The following MYRIP variants were observed in gnomAD, a reference collection of about 807,000 sequenced individuals.
The protein encoded by MYRIP is rab effector MyRIP.
A neutral mutation model predicts 98.0 loss-of-function variants in MYRIP; 49 were observed. The ratio of observed to expected loss-of-function variants is 0.50; its 90% CI spans 0.40 to 0.63. The LOEUF is 0.63. MYRIP is among the 30% of genes least tolerant of loss of function. The probability of loss-of-function intolerance (pLI) is 0.00; values close to 1 mark genes in which losing one functional copy is unlikely to be tolerated. For synonymous variants in MYRIP, 404 were observed against 409.5 expected (o/e 0.99, Z 0.16); for missense variants, 1,004 against 1,058.2 (o/e 0.95, Z 0.71).
chr3:39,948,912 A>G (rs1944953459), intron 2 of MYRIP, among the ~76,000 whole-genome samples: 1 of 152,142 alleles, frequency 6.6e-6, no homozygotes, highest in Non-Finnish European at 1.5e-5. Flanking sequence ...GCTAGAGAAA[A>G]AAGATTTGCT....
At chr3:40,077,702 A>C (rs568149575) in intron 3 of MYRIP, among the ~76,000 whole-genome samples, 27 of 152,336 alleles carry the variant, frequency 1.8e-4, no homozygotes, top group Non-Finnish European at 2.8e-4. Context: ...AGGCCCCACC[A>C]CAGTAGCTAG....
intron 10 of MYRIP, among the ~76,000 whole-genome samples, chr3:40,191,353 A>G (rs537854857): frequency 2.6e-5 from 4 of 152,262 alleles, no homozygotes; most frequent in East Asian, 1.9e-4. Context: ...TGATTGTGCT[A>G]TGCCCTTGCC....
rs1205340697 is a variant in MYRIP at position 40,190,240 on chromosome 3, G to T, written c.1442G>T (p.Arg481Met). The change falls in exon 10 of 17, where the codon AGG (arginine) becomes ATG (methionine). Residue 481 changes from arginine (R) to methionine (M), a missense_variant. Physicochemically the swap from Arg to Met is moderately conservative, Grantham distance 91 (BLOSUM62 -1). This residue lies in a region of MYRIP where 880 missense variants were observed against 907.7 expected (regional missense o/e 0.97). Coordinates refer to ENST00000302541, the MANE Select transcript of MYRIP (RefSeq NM_015460.4). ...TCCTGGTTGCAGAGGAAGGCCCCCA[G>T]GAACCCTGCAGCTGAGAAGATGCGC... is the stretch of plus-strand genomic sequence containing the variant. Reference protein sequence around the residue: ...RLSWLQRKAPRNPAAEKMRLH... With the variant: ...RLSWLQRKAPMNPAAEKMRLH... The T allele has an allele frequency of 6.2e-7, 1 of 1,614,120 alleles. No homozygotes were observed. The highest frequency in any genetic ancestry group is 8.5e-7 in the Non-Finnish European group (1 of 1,180,014).
intron 3 of MYRIP, among the ~76,000 whole-genome samples, chr3:40,097,967 C>T (rs553707812): frequency 1.1e-4 from 16 of 152,192 alleles, no homozygotes; most frequent in Non-Finnish European, 1.9e-4. Flanking sequence ...CTCATCTGCT[C>T]TTCTCTGTCA....
At chr3:39,986,434 C>G (rs904787583) in intron 2 of MYRIP, among the ~76,000 whole-genome samples, 1 of 149,894 alleles carries the variant, frequency 6.7e-6, no homozygotes, top group African/African-American at 2.5e-5. Flanking sequence ...CTCTCTGTCT[C>G]TTTCTCTCCC....
chr3:40,086,792 T>C lies in MYRIP; in HGVS notation c.332+42521T>C, dbSNP rs1317194681. Among the ~76,000 whole-genome samples the C allele has an allele frequency of 3.9e-5, 6 of 152,042 alleles. No homozygotes were observed. In the East Asian group the frequency reaches 1.2e-3, roughly 29 times the overall value. ...CCTACTTCAGGGGACCTCTAATGAA[T>C]GGTGGGTGCTCCCAATTTCCAGAAC... On this transcript the variant is annotated intron_variant, in intron 3 of 16. Transcript: ENST00000302541.
chr3:39,956,702 GAC>G (rs557647078), intron 2 of MYRIP, among the ~76,000 whole-genome samples: 377 of 149,154 alleles, frequency 2.5e-3, no homozygotes, highest in Non-Finnish European at 3.0e-3. Flanking sequence ...AGGAAATAGA[GAC>G]ACAAAAAACC....
At chr3:40,140,362 G>T (rs935475428) in intron 3 of MYRIP, among the ~76,000 whole-genome samples, 2 of 152,156 alleles carry the variant, frequency 1.3e-5, no homozygotes, top group Non-Finnish European at 2.9e-5. Flanking sequence ...CCCTTCATCT[G>T]TTGTTGGACA....
chr3:40,179,344 A>C (rs1254733360), intron 8 of MYRIP, among the ~76,000 whole-genome samples: 1 of 152,108 alleles, frequency 6.6e-6, no homozygotes, highest in Non-Finnish European at 1.5e-5. Context: ...CCTGAAATAG[A>C]CTATTTTTAT....
intron 1 of MYRIP, among the ~76,000 whole-genome samples, chr3:39,854,505 A>T (rs1268494987): frequency 1.3e-5 from 2 of 151,758 alleles, no homozygotes; most frequent in African/African-American, 4.8e-5. Context: ...TTTTTTCTTT[A>T]TGACATCTAT....
intron 5 of MYRIP, among the ~76,000 whole-genome samples, chr3:40,166,503 G>T (rs1438743074): frequency 6.6e-6 from 1 of 151,164 alleles, no homozygotes; most frequent in Non-Finnish European, 1.5e-5. Flanking sequence ...AGCCAAGGGC[G>T]GGGCTGAAGG....
chr3:40,025,798 G>A (rs1947113096), intron 2 of MYRIP, among the ~76,000 whole-genome samples: 1 of 152,130 alleles, frequency 6.6e-6, no homozygotes, highest in South Asian at 2.1e-4. Context: ...CGAACAGGGA[G>A]TAGGTCACAA....
At chr3:40,109,928 A>G (rs1331108140) in intron 3 of MYRIP, among the ~76,000 whole-genome samples, 1 of 152,214 alleles carries the variant, frequency 6.6e-6, no homozygotes, top group Non-Finnish European at 1.5e-5. Context: ...TATGTCCTCA[A>G]TGCCCAGCAT....
intron 3 of MYRIP, among the ~76,000 whole-genome samples, chr3:40,047,715 T>C (rs1260248627): frequency 6.6e-6 from 1 of 152,188 alleles, no homozygotes; most frequent in Admixed American, 6.5e-5. Context: ...GTGGCATATT[T>C]TTGCATCCTG....
rs78333608 is a variant in MYRIP, at chr3:40,044,238, A to G, written c.299A>G (p.Lys100Arg). The change falls in exon 3 of 17, where the codon AAG becomes AGG. Residue 100 changes from lysine (K) to arginine (R), a missense_variant. Around this residue, in one of 3 missense-constraint regions of MYRIP, gnomAD observed 880 missense variants for 907.7 expected, o/e 0.97. Transcript: ENST00000302541. ...TGCTGCTCCTACCAGAAGCACGAAA[A>G]GGCCTGGGTCTGCTGCGTCTGCCAG... is the stretch of plus-strand genomic sequence containing the variant. ...KSCCSYQKHE[K>R]AWVCCVCQQA... 4,908 of 1,614,174 alleles carry G rather than the reference A, an allele frequency of 3.0e-3. 24 individuals carry two copies. The highest frequency in any genetic ancestry group is 0.012 in the Middle Eastern group (70 of 6,060).
At chr3:39,957,215 G>A (rs1252739138) in intron 2 of MYRIP, among the ~76,000 whole-genome samples, 1 of 151,300 alleles carries the variant, frequency 6.6e-6, no homozygotes, top group Non-Finnish European at 1.5e-5. Context: ...AGCCTGACAG[G>A]GACACACCAA....
chr3:40,078,445 G>A (rs541100498), intron 3 of MYRIP, among the ~76,000 whole-genome samples: 5 of 152,326 alleles, frequency 3.3e-5, no homozygotes, highest in African/African-American at 7.2e-5. Context: ...TAGAGCAAGC[G>A]AGGGCTGTGA....
intron 11 of MYRIP, among the ~76,000 whole-genome samples, chr3:40,211,391 G>A (rs929738813): frequency 3.3e-5 from 5 of 152,108 alleles, no homozygotes; most frequent in African/African-American, 9.7e-5. Context: ...ACCATTACCC[G>A]TGGCTGAGCC....
chr3:40,077,381 G>A (rs977692683), intron 3 of MYRIP, among the ~76,000 whole-genome samples: 15 of 152,270 alleles, frequency 9.9e-5, no homozygotes, highest in African/African-American at 3.6e-4. Flanking sequence ...GTTTTGACAG[G>A]GCACTGGTTG....
Sources: gnomAD v4.1 joint callset for allele counts (sites outside exome capture counted in the v4.1 genomes callset) on GRCh38, gnomAD v4.1.1 for gene constraint, gnomAD v4.1.1 regional missense constraint, MANE v1.5 for transcripts, NCBI Gene and HGNC (gene_info 2026-07-23, HGNC 2026-07-21) for gene names.